The following FUT8 variants were observed in gnomAD, a reference collection of about 807,000 sequenced individuals.
FUT8 encodes the protein fucosyltransferase 8.
Under a neutral mutation model 71.3 loss-of-function variants are expected in FUT8, and 29 were observed. The ratio of observed to expected loss-of-function variants is 0.41; its 90% confidence interval spans 0.30 to 0.55. The LOEUF (loss-of-function observed/expected upper bound fraction) is 0.55, where lower values mean the gene tolerates loss of function less well. FUT8 is among the 20% of genes least tolerant of loss of function. The pLI is 0.34. For missense variants in FUT8, 544 were observed against 702.1 expected, an observed-to-expected ratio of 0.77 and a Z score of 2.55; for synonymous variants, 254 against 239.3, an observed-to-expected ratio of 1.06 and a Z score of -0.57.
chr14:65,729,397 T>C (rs748697951), intron 9 of FUT8, among the ~76,000 whole-genome samples: 2 of 152,176 alleles, frequency 1.3e-5, no homozygotes, highest in African/African-American at 4.8e-5. Flanking sequence ...TCTTCTAATA[T>C]TAGGCAGTCA....
intron 3 of FUT8, among the ~76,000 whole-genome samples, chr14:65,615,614 C>T (rs1889238973): frequency 1.3e-5 from 2 of 152,090 alleles, no homozygotes; most frequent in African/African-American, 4.8e-5. Flanking sequence ...TAAGCCTTTT[C>T]TTTACTTTTT....
intron 6 of FUT8, among the ~76,000 whole-genome samples, chr14:65,631,184 A>G (rs1282642305): frequency 1.3e-5 from 2 of 152,166 alleles, no homozygotes; most frequent in Admixed American, 6.5e-5. Flanking sequence ...TCAGTGAACT[A>G]TAAACAGCTG....
chr14:65,685,924 T>C (rs1475701066), intron 7 of FUT8, among the ~76,000 whole-genome samples: 2 of 152,226 alleles, frequency 1.3e-5, no homozygotes, highest in African/African-American at 4.8e-5. Context: ...ATGCAAGTTG[T>C]TTTATCAGCA....
intron 3 of FUT8, among the ~76,000 whole-genome samples, chr14:65,577,079 G>A (rs1886829672): frequency 6.6e-6 from 1 of 151,638 alleles, no homozygotes. Flanking sequence ...CGAACTCCTG[G>A]GCTCTAGCAG....
At chr14:65,521,825 A>C (rs998245531) in intron 2 of FUT8, among the ~76,000 whole-genome samples, 4 of 151,432 alleles carry the variant, frequency 2.6e-5, no homozygotes, top group Non-Finnish European at 4.4e-5. Flanking sequence ...ATGGCAGGCA[A>C]TTTGTTGTGG....
chr14:65,591,371 A>T (rs1167158251), intron 3 of FUT8, among the ~76,000 whole-genome samples: 1 of 152,168 alleles, frequency 6.6e-6, no homozygotes, highest in Non-Finnish European at 1.5e-5. Context: ...TCTACTTCTG[A>T]AAGCTTATGA....
chr14:65,367,836 C>T, the FUT8 span, among the ~76,000 whole-genome samples: 2 of 152,078 alleles, frequency 1.3e-5, no homozygotes, highest in African/African-American at 2.4e-5. Context: ...TATTCCCTTC[C>T]TTCATTCCCC....
chr14:65,559,607 ATGT>A (rs1363373787), intron 2 of FUT8, among the ~76,000 whole-genome samples: 1 of 151,474 alleles, frequency 6.6e-6, no homozygotes, highest in East Asian at 1.9e-4. Flanking sequence ...AGTGTTGCAT[ATGT>A]TGTCTCAAAA....
intron 2 of FUT8, among the ~76,000 whole-genome samples, chr14:65,512,998 G>A (rs1594721061): frequency 6.6e-6 from 1 of 151,886 alleles, no homozygotes; most frequent in Admixed American, 6.6e-5. Context: ...TTCCTTTAGA[G>A]CTAGGCTAGT....
chr14:65,655,876 T>A (rs758538064), intron 6 of FUT8, among the ~76,000 whole-genome samples: 10 of 152,198 alleles, frequency 6.6e-5, no homozygotes, highest in Non-Finnish European at 1.2e-4. Flanking sequence ...ATCATTTCAA[T>A]TGATGCTGAA....
At chr14:65,375,693 T>G in the FUT8 span, among the ~76,000 whole-genome samples, 1 of 152,180 alleles carries the variant, frequency 6.6e-6, no homozygotes, top group South Asian at 2.1e-4. Context: ...TGAAATAGGC[T>G]CAGAGAGCCT....
At chr14:65,592,512 A>G (rs1035620758) in intron 3 of FUT8, among the ~76,000 whole-genome samples, 2 of 152,114 alleles carry the variant, frequency 1.3e-5, no homozygotes, top group Admixed American at 6.5e-5. Flanking sequence ...TTCAAACTTC[A>G]GCCTTTGGTG....
intron 2 of FUT8, among the ~76,000 whole-genome samples, chr14:65,460,232 A>G (rs552122720): frequency 1.4e-4 from 22 of 152,358 alleles, no homozygotes; most frequent in African/African-American, 5.3e-4. Flanking sequence ...CGCTGAGCAG[A>G]GTACTGATAG....
intron 6 of FUT8, among the ~76,000 whole-genome samples, chr14:65,639,960 A>G (rs1231453996): frequency 6.6e-6 from 1 of 152,174 alleles, no homozygotes; most frequent in Non-Finnish European, 1.5e-5. Context: ...TTGTTGATCA[A>G]GTTTCCCCAA....
chr14:65,470,125 C>G (rs1405798867), intron 2 of FUT8, among the ~76,000 whole-genome samples: 1 of 152,234 alleles, frequency 6.6e-6, no homozygotes, highest in Non-Finnish European at 1.5e-5. Context: ...GCCTAGGCGG[C>G]AGGGCCTGAG....
intron 8 of FUT8, among the ~76,000 whole-genome samples, chr14:65,722,601 C>G (rs1326343995): frequency 6.6e-6 from 1 of 152,168 alleles, no homozygotes; most frequent in Non-Finnish European, 1.5e-5. Flanking sequence ...CGTATTTCTT[C>G]TCATGTAACT....
chr14:65,702,758 T>A (rs976349439), intron 7 of FUT8, among the ~76,000 whole-genome samples: 10 of 151,632 alleles, frequency 6.6e-5, no homozygotes, highest in African/African-American at 1.7e-4. Context: ...TTTTTTTTTT[T>A]AAACAGAGTT....
intron 2 of FUT8, among the ~76,000 whole-genome samples, chr14:65,481,781 A>G (rs1352252085): frequency 2.0e-5 from 3 of 152,058 alleles, no homozygotes; most frequent in East Asian, 3.9e-4. Flanking sequence ...CTTTGGTAAA[A>G]TATCTGTTCA....
intron 6 of FUT8, among the ~76,000 whole-genome samples, chr14:65,634,594 C>T (rs1372539050): frequency 6.6e-6 from 1 of 150,386 alleles, no homozygotes; most frequent in Non-Finnish European, 1.5e-5. Context: ...AAAGGGTGTC[C>T]TTTCCCCACT....
Sources: gnomAD v4.1 joint callset for allele counts (sites outside exome capture counted in the v4.1 genomes callset) on GRCh38, gnomAD v4.1.1 for gene constraint, MANE v1.5 for transcripts, NCBI Gene and HGNC (gene_info 2026-07-23, HGNC 2026-07-21) for gene names.